TRIM4: variants seen among roughly 807,000 people sequenced by gnomAD.
The protein encoded by TRIM4 is E3 ubiquitin-protein ligase TRIM4.
In TRIM4, 29 loss-of-function variants were observed where a neutral mutation model predicts 33.7. The observed-to-expected ratio is 0.86, with a 90% CI of 0.64 to 1.17. TRIM4 has a LOEUF of 1.17. Ranked by LOEUF, TRIM4 falls within the 50% of genes most tolerant of loss-of-function variation. The pLI is 0.00. For synonymous variants in TRIM4, 224 were observed against 233.0 expected (o/e 0.96, Z 0.35); for missense variants, 554 against 593.7 (o/e 0.93, Z 0.69).
intron 5 of TRIM4, among the ~76,000 whole-genome samples, chr7:99,895,684 G>C (rs141664999): frequency 6.6e-6 from 1 of 152,180 alleles, no homozygotes; most frequent in Non-Finnish European, 1.5e-5. Flanking sequence ...TCTTCTTGCA[G>C]CTCTATTAGT....
intron 1 of TRIM4, among the ~76,000 whole-genome samples, chr7:99,910,036 C>A (rs1274995784): frequency 6.6e-6 from 1 of 150,924 alleles, no homozygotes; most frequent in Non-Finnish European, 1.5e-5. Flanking sequence ...CTGGCAACTT[C>A]ATTTTTTAAG....
At position 99,903,251 on chromosome 7, in the gene TRIM4, G is replaced by A. The variant is rs1208092639; in HGVS notation, c.808C>T (p.Pro270Ser). ...AVKVKTVCQI[P>S]LMKEMLKRFQ... is the part of the protein sequence containing the mutation. ...CGCTTTAGCATTTCCTTCATCAATG[G>A]TATCTGGCACACTGTCTTCACCTTT... Residue 270 changes from proline (P) to serine (S), a missense_variant, in exon 5 of 6, where the codon CCA (proline) becomes TCA (serine). Coordinates refer to ENST00000349062, the MANE Select transcript of TRIM4 (RefSeq NM_033091.3). The A allele has an allele frequency of 3.1e-6, 5 of 1,613,156 alleles. No individual in the cohort carries two copies. The highest frequency in any genetic ancestry group is 4.2e-6 in the Non-Finnish European group (5 of 1,179,488).
intron 5 of TRIM4, chr7:99,902,246 TTTAG>T (rs766659328): frequency 9.0e-5 from 65 of 724,100 alleles, no homozygotes; most frequent in Admixed American, 1.4e-4. Flanking sequence ...CATGGTTCTT[TTTAG>T]TTTGTTTGTT....
At chr7:99,908,200 AAAGTT>A (rs1819353131) in intron 3 of TRIM4, 1 of 163,218 alleles carries the variant, frequency 6.1e-6, no homozygotes. Context: ...AATAAGCGAG[AAAGTT>A]AAGTGTCTCT....
In TRIM4 at chr7:99,891,173, A is replaced by C. The variant is rs944961405; in HGVS notation, c.*990T>G. ...AACAAAATCAAAACCTGAAACAAAG[A>C]TCAACATCCAATAAATGCTTCTGAA... On this transcript the variant is annotated 3_prime_UTR_variant, in exon 6 of 6. Transcript: ENST00000349062. The C allele has an allele frequency of 1.3e-5, 2 of 152,230 alleles. No individual in the cohort carries two copies. The highest frequency in any genetic ancestry group is 2.9e-5 in the Non-Finnish European group (2 of 68,044). The allele number at this position is 152,230 out of a possible 1,614,324, so 9.4% of individuals were successfully genotyped here.
At chr7:99,902,898 T>C (rs1370775087) in intron 5 of TRIM4, among the ~76,000 whole-genome samples, 1 of 152,052 alleles carries the variant, frequency 6.6e-6, no homozygotes, top group Admixed American at 6.6e-5. Context: ...GCCCTTCCTC[T>C]GAATTTCTGT....
At position 99,919,030 on chromosome 7, in the gene TRIM4, G is replaced by A; in HGVS notation, c.372C>T (p.Asp124=). Reference sequence around the variant, plus strand: ...TCACCCGGTAGCTCTCGAAGGCCTCGTCGATGGGTGCCATGGCGTGAGTCT... The same window carrying A: ...TCACCCGGTAGCTCTCGAAGGCCTCATCGATGGGTGCCATGGCGTGAGTCT... ...EHQTHAMAPI[D]EAFESYREKL... Residue 124 remains aspartate, a synonymous_variant, in exon 1 of 6, where the codon GAC becomes GAT. Coordinates refer to ENST00000349062, the MANE Select transcript of TRIM4 (RefSeq NM_033091.3). 9 of 1,589,162 alleles carry A rather than the reference G, an allele frequency of 5.7e-6. No individual in the cohort carries two copies. Among genetic ancestry groups the A allele is most frequent in the Non-Finnish European group, 6.0e-6 (7 of 1,169,798 alleles).
At chr7:99,909,393 C>G (rs1422472087) in intron 2 of TRIM4, among the ~76,000 whole-genome samples, 172 bp downstream of exon 2, 1 of 152,092 alleles carries the variant, frequency 6.6e-6, no homozygotes, top group Non-Finnish European at 1.5e-5. Context: ...TGAACTGACA[C>G]CCAGAAAGCT....
Position 99,918,264 on chromosome 7 carries a change from G to C in TRIM4, c.393+745C>G, listed in dbSNP as rs150500542. ...CCAATTTCAGACCTATTATGAAAAAGGAGTATAAAATATCTCATTGAGGCC... is the reference window on the plus strand; with the variant it reads ...CCAATTTCAGACCTATTATGAAAAACGAGTATAAAATATCTCATTGAGGCC... On this transcript the variant is annotated intron_variant, in intron 1 of 5. Coordinates refer to ENST00000349062, the MANE Select transcript of TRIM4 (RefSeq NM_033091.3). Among the ~76,000 whole-genome samples the C allele has an allele frequency of 3.2e-3, 490 of 152,258 alleles. 5 individuals are homozygous for C. The highest frequency in any genetic ancestry group is 0.011 in the African/African-American group (468 of 41,532).
In TRIM4 at chr7:99,903,325, T is replaced by C. The variant is rs1218135553; in HGVS notation, c.744-10A>G. 1.9e-6 allele frequency: 3 copies of C among 1,592,760 alleles called. No individual in the cohort carries two copies. Among genetic ancestry groups the C allele is most frequent in the Admixed American group, 1.7e-5 (1 of 58,664 alleles). ...ATCCTGGATCTCACTCCTAAGAAGG[T>C]AGAGAAGACTGCTCTTAGGGGACAA... On this transcript the variant is annotated splice_polypyrimidine_tract_variant and intron_variant, in intron 4 of 5. Transcript: ENST00000349062.
At chr7:99,905,980 A>G (rs916587149) in intron 3 of TRIM4, among the ~76,000 whole-genome samples, 1 of 152,134 alleles carries the variant, frequency 6.6e-6, no homozygotes, top group Non-Finnish European at 1.5e-5. Flanking sequence ...CCCCGTCTCT[A>G]CCAAAAATAG....
chr7:99,913,631 A>G (rs549905047), intron 1 of TRIM4, among the ~76,000 whole-genome samples: 1 of 152,250 alleles, frequency 6.6e-6, no homozygotes, highest in African/African-American at 2.4e-5. Flanking sequence ...GGATCGCGCC[A>G]CTGCACTCCA....
chr7:99,902,004 C>T (rs1563085010), intron 5 of TRIM4: 1 of 680,258 alleles, frequency 1.5e-6, no homozygotes, highest in East Asian at 2.5e-5. Context: ...TTACCTCAGC[C>T]TTACATGGTC....
At chr7:99,894,125 T>C (rs1023297359) in intron 5 of TRIM4, among the ~76,000 whole-genome samples, 2 of 152,206 alleles carry the variant, frequency 1.3e-5, no homozygotes, top group African/African-American at 2.4e-5. Context: ...TTATTACATA[T>C]TATCCTTTTA....
rs571577018 is a variant in TRIM4, at chr7:99,915,763, T to C, written c.393+3246A>G. Among the ~76,000 whole-genome samples, 7 of 152,340 alleles carry C rather than the reference T, an allele frequency of 4.6e-5. No homozygotes were observed. In the East Asian group the frequency reaches 1.3e-3, roughly 29 times the overall value. On this transcript the variant is annotated intron_variant, in intron 1 of 5. Coordinates refer to ENST00000349062, the MANE Select transcript of TRIM4 (RefSeq NM_033091.3). The stretch of plus-strand genomic sequence containing the variant: ...CTCCTGAACACCTACGAAGTCAACC[T>C]TGTGACATTCAGCCCATCCCAGTGT...
At chr7:99,902,531 G>C (rs2151645554) in intron 5 of TRIM4, among the ~76,000 whole-genome samples, 1 of 152,246 alleles carries the variant, frequency 6.6e-6, no homozygotes, top group South Asian at 2.1e-4. Context: ...ACAGACATGA[G>C]CCTTCGTGCC....
chr7:99,901,377 GGTCA>G, intron 5 of TRIM4: 1 of 152,206 alleles, frequency 6.6e-6, no homozygotes, highest in South Asian at 2.1e-4. Context: ...GTCAATTCTA[GGTCA>G]GTTTCAGTTG....
intron 1 of TRIM4, among the ~76,000 whole-genome samples, chr7:99,911,925 C>T (rs1394053782): frequency 8.5e-5 from 13 of 152,156 alleles, no homozygotes; most frequent in Non-Finnish European, 1.8e-4. Context: ...ATGGCAAAAA[C>T]CGCAATTACA....
At chr7:99,913,426 T>C (rs1273108614) in intron 1 of TRIM4, among the ~76,000 whole-genome samples, 1 of 152,070 alleles carries the variant, frequency 6.6e-6, no homozygotes, top group Non-Finnish European at 1.5e-5. Context: ...CCCAGCACTT[T>C]GGGAGGCCAA....
Sources: allele counts gnomAD v4.1 joint callset (sites outside exome capture counted in the v4.1 genomes callset), GRCh38; gene constraint gnomAD v4.1.1; transcripts MANE v1.5; gene names NCBI Gene and HGNC (gene_info 2026-07-23, HGNC 2026-07-21).